Variants in PDZD2 observed in about 807,000 individuals in gnomAD.
PDZD2 encodes PDZ domain containing 2.
PDZD2 carries 90 observed loss-of-function variants against 220.7 expected under a neutral mutation model. The observed-to-expected ratio is 0.41, with a 90% CI of 0.34 to 0.49. The LOEUF is 0.49. Ranked by LOEUF, PDZD2 falls within the 20% of genes least tolerant of loss-of-function variation. The pLI is 0.28. For missense variants in PDZD2, 3,174 were observed against 3,608.5 expected (o/e 0.88, Z 3.08); for synonymous variants, 1,375 against 1,450.5 (o/e 0.95, Z 1.18).
chr5:31,645,888 T>A (rs1289923065), intron 1 of PDZD2, among the ~76,000 whole-genome samples: 4 of 151,210 alleles, frequency 2.6e-5, no homozygotes. Context: ...GCAGTGGGAG[T>A]TGTACTGGGA....
chr5:31,923,318 A>G, intron 2 of PDZD2: 2 of 728,054 alleles, frequency 2.7e-6, no homozygotes, highest in Non-Finnish European at 4.9e-6. Flanking sequence ...CGGATTCCCG[A>G]TGCGGTGGTT....
intron 7 of PDZD2, among the ~76,000 whole-genome samples, chr5:32,048,153 A>C (rs373207847): frequency 3.3e-5 from 5 of 152,352 alleles, no homozygotes; most frequent in African/African-American, 1.2e-4. Context: ...TGGAAAAAAA[A>C]CATCTGCACC....
intron 1 of PDZD2, among the ~76,000 whole-genome samples, chr5:31,693,932 T>C (rs1039278529): frequency 1.3e-5 from 2 of 152,138 alleles, no homozygotes; most frequent in African/African-American, 4.8e-5. Flanking sequence ...CTTCCCAGGC[T>C]GAGGAGGAGC....
chr5:31,748,097 G>T (rs1750710622), intron 1 of PDZD2: 1 of 152,234 alleles, frequency 6.6e-6, no homozygotes, highest in Non-Finnish European at 1.5e-5. Flanking sequence ...GTACATTCTG[G>T]AAATGTCTAG....
chr5:31,895,570 C>T (rs1481851818), intron 2 of PDZD2, among the ~76,000 whole-genome samples: 1 of 152,136 alleles, frequency 6.6e-6, no homozygotes, highest in Non-Finnish European at 1.5e-5. Context: ...TACCAAGATA[C>T]TTTTAGCTCA....
chr5:32,079,378 C>G (rs1191550309), intron 19 of PDZD2, among the ~76,000 whole-genome samples: 1 of 151,858 alleles, frequency 6.6e-6, no homozygotes, highest in Non-Finnish European at 1.5e-5. Context: ...ACTTGTCGAG[C>G]TCTGTGGGAG....
intron 5 of PDZD2, among the ~76,000 whole-genome samples, chr5:32,006,884 T>C (rs1391889321): frequency 6.7e-6 from 1 of 149,408 alleles, no homozygotes; most frequent in Non-Finnish European, 1.5e-5. Flanking sequence ...GAGACGGGAT[T>C]TCACTATGTT....
At chr5:31,875,186 T>C (rs773673567) in intron 2 of PDZD2, among the ~76,000 whole-genome samples, 115 of 152,308 alleles carry the variant, frequency 7.6e-4, no homozygotes, top group Non-Finnish European at 1.4e-3. Flanking sequence ...TCTATATCTT[T>C]CTTCCAGTAA....
chr5:31,649,387 CTTT>C (rs977283541), intron 1 of PDZD2, among the ~76,000 whole-genome samples: 5 of 151,526 alleles, frequency 3.3e-5, no homozygotes, highest in African/African-American at 9.7e-5. Flanking sequence ...TATCAGAGCT[CTTT>C]TTCTGCTTGG....
intron 1 of PDZD2, among the ~76,000 whole-genome samples, chr5:31,737,295 C>G (rs546239176): frequency 1.3e-5 from 2 of 151,554 alleles, no homozygotes; most frequent in South Asian, 4.2e-4. Context: ...GCCTCAGCCT[C>G]CTGAGTAGCT....
intron 1 of PDZD2, among the ~76,000 whole-genome samples, chr5:31,674,360 C>T (rs905130997): frequency 5.3e-5 from 8 of 152,158 alleles, no homozygotes; most frequent in Admixed American, 1.3e-4. Flanking sequence ...ACACTTATGG[C>T]CTTTCTCCTT....
At chr5:31,829,402 A>G (rs1440124591) in intron 2 of PDZD2, among the ~76,000 whole-genome samples, 3 of 150,190 alleles carry the variant, frequency 2.0e-5, no homozygotes, top group Non-Finnish European at 4.4e-5. Flanking sequence ...ATCTCAGCTC[A>G]CTGCAACCTC....
chr5:31,840,429 TATATATATA>T (rs1561499172), intron 2 of PDZD2: 1,463 of 104,122 alleles, frequency 0.014, 99 homozygotes, highest in African/African-American at 0.051. Flanking sequence ...TATATATATA[TATATATATA>T]TATATATATA....
intron 8 of PDZD2, among the ~76,000 whole-genome samples, chr5:32,050,133 G>A (rs531261816): frequency 1.2e-3 from 181 of 152,188 alleles, no homozygotes; most frequent in Non-Finnish European, 2.0e-3. Flanking sequence ...GTTTCATCAT[G>A]TTGGCCAGGC....
chr5:31,933,411 C>T (rs1424932289), intron 2 of PDZD2, among the ~76,000 whole-genome samples: 1 of 152,042 alleles, frequency 6.6e-6, no homozygotes, highest in African/African-American at 2.4e-5. Context: ...TGTGAATATC[C>T]ATTCGTGTGT....
At chr5:31,863,036 G>A (rs181292324) in intron 2 of PDZD2, among the ~76,000 whole-genome samples, 32 of 152,110 alleles carry the variant, frequency 2.1e-4, no homozygotes, top group African/African-American at 2.4e-4. Context: ...GAGCCATGGC[G>A]CCCAGCCAAT....
intron 2 of PDZD2, among the ~76,000 whole-genome samples, chr5:31,865,196 T>A (rs1738101313): frequency 6.6e-6 from 1 of 152,066 alleles, no homozygotes. Context: ...TCCAATAGAT[T>A]ATGAGTCCTG....
intron 2 of PDZD2, among the ~76,000 whole-genome samples, chr5:31,964,468 G>A (rs1380866555): frequency 3.9e-5 from 6 of 152,236 alleles, no homozygotes; most frequent in African/African-American, 1.4e-4. Flanking sequence ...GGGACAGAGA[G>A]TCCTAATCGG....
intron 2 of PDZD2, among the ~76,000 whole-genome samples, chr5:31,839,399 A>G (rs998877466): frequency 2.6e-5 from 4 of 152,222 alleles, no homozygotes. Flanking sequence ...AAAAGAAAAA[A>G]AAACAGATTT....
Sources: allele counts gnomAD v4.1 joint callset (sites outside exome capture counted in the v4.1 genomes callset), GRCh38; gene constraint gnomAD v4.1.1; transcripts MANE v1.5; gene names NCBI Gene and HGNC (gene_info 2026-07-23, HGNC 2026-07-21).